TPO: variants seen among roughly 807,000 people sequenced by gnomAD.
TPO encodes thyroid peroxidase.
A neutral mutation model predicts 96.9 loss-of-function variants in TPO; 78 were observed. That is an observed-to-expected ratio of 0.81 (90% CI 0.67 to 0.97). TPO has a LOEUF of 0.97. Among genes scored for constraint, TPO ranks in the 50% least tolerant of loss-of-function variants. The pLI, the probability that TPO is intolerant of heterozygous loss-of-function variation, is 0.00. For missense variants in TPO, 1,252 were observed against 1,274.8 expected, an observed-to-expected ratio of 0.98 and a Z score of 0.27; for synonymous variants, 547 against 538.0, an observed-to-expected ratio of 1.02 and a Z score of -0.23.
intron 13 of TPO, among the ~76,000 whole-genome samples, chr2:1,503,043 G>A (rs1322118161): frequency 6.6e-6 from 1 of 152,194 alleles, no homozygotes; most frequent in Non-Finnish European, 1.5e-5. Flanking sequence ...GTCCTGGGGT[G>A]GCCGAGTCGG....
rs149663704 is a variant in TPO, at chr2:1,487,004, C to T, written c.1598-817C>T. On this transcript the variant is annotated intron_variant, in intron 9 of 16. Transcript: ENST00000329066. ...CCTTTTGGGCATCCTAAGGCCAAAC[C>T]GATCCTTTAAAGACTCTGGTGGCAT... Among the ~76,000 whole-genome samples, 926 of 152,318 alleles carry T rather than the reference C, an allele frequency of 6.1e-3. 7 individuals carry two copies. The highest frequency in any genetic ancestry group is 0.021 in the African/African-American group (884 of 41,562).
chr2:1,457,472 G>A (rs1667925576), intron 7 of TPO, among the ~76,000 whole-genome samples: 2 of 18,880 alleles, frequency 1.1e-4, no homozygotes, highest in Non-Finnish European at 1.4e-4. Flanking sequence ...TATATAGCAT[G>A]TATGATCGTG....
At chr2:1,410,031 G>C (rs1182674356), upstream of TPO, among the ~76,000 whole-genome samples, 1 of 152,034 alleles carries the variant, frequency 6.6e-6, no homozygotes, top group African/African-American at 2.4e-5. Flanking sequence ...TCAAAAGTGA[G>C]GGTTTCAGTT....
chr2:1,526,401 C>G (rs1408271538), intron 15 of TPO, among the ~76,000 whole-genome samples: 2 of 92,746 alleles, frequency 2.2e-5, no homozygotes, highest in African/African-American at 4.3e-5. Context: ...TGTGAGCAAC[C>G]CCCCCAAATC....
rs145286031 is a variant in TPO at position 1,413,476 on chromosome 2, C to T, written c.-71C>T. The T allele has an allele frequency of 8.3e-4, 138 of 166,568 alleles. No individual in the cohort carries two copies. Among genetic ancestry groups the T allele is most frequent in the African/African-American group, 3.1e-3 (128 of 41,780 alleles). The allele number at this position is 166,568 out of a possible 1,614,324, so 10.3% of individuals were successfully genotyped here. On this transcript the variant is annotated 5_prime_UTR_variant, in exon 1 of 17. Transcript: ENST00000329066. Reference sequence around the variant, plus strand: ...CCAAGTCCCTGGAAGGCAATTAAGGCGCCCATTTCAGAAGAGTTACAGCCG... The same window carrying T: ...CCAAGTCCCTGGAAGGCAATTAAGGTGCCCATTTCAGAAGAGTTACAGCCG...
rs374399668 is a variant in TPO at position 1,467,963 on chromosome 2, C to T, written c.820-9123C>T. 5.5e-5 allele frequency among the ~76,000 whole-genome samples: 4 copies of T among 72,906 alleles called. No individual in the cohort carries two copies. In the East Asian group the frequency reaches 1.8e-3, roughly 34 times the overall value. 47.8% of individuals were successfully genotyped at this position (72,906 alleles called of 152,430 possible). On this transcript the variant is annotated intron_variant, in intron 7 of 16. Transcript: ENST00000329066. ...AATGACCCTCTTTGTCTTTTTTAAC[C>T]ACTGTTGCTTTAAAGTTTATTTTGT...
At position 1,374,640 on chromosome 2, in the gene TPO, G is replaced by A. The variant is rs772892097; in HGVS notation, n.180+238G>A. ...AATTTGAAACCATTTCTGCAAAAAT[G>A]TTAATGAGGATTTATTTGAAAAGAA... On this transcript the variant is annotated intron_variant and non_coding_transcript_variant, in intron 1 of 5. Coordinates refer to the TPO transcript ENST00000497517. 5.3e-5 allele frequency among the ~76,000 whole-genome samples: 8 copies of A among 151,726 alleles called. No homozygotes were observed. In the South Asian group the frequency reaches 6.2e-4, roughly 12 times the overall value.
intron 2 of TPO, among the ~76,000 whole-genome samples, chr2:1,414,961 G>A (rs1662742695): frequency 6.6e-6 from 1 of 152,246 alleles, no homozygotes; most frequent in South Asian, 2.1e-4. Context: ...TCCAAACCCT[G>A]AGAACAAGTT....
At position 1,524,722 on chromosome 2, in the gene TPO, C is replaced by G. The variant is rs1420248683; in HGVS notation, c.2618+7740C>G. Among the ~76,000 whole-genome samples the G allele has an allele frequency of 3.9e-5, 5 of 129,844 alleles. 1 individual carries two copies. The highest frequency in any genetic ancestry group is 8.4e-5 in the Non-Finnish European group (5 of 59,840). 85.2% of individuals were successfully genotyped at this position (129,844 alleles called of 152,430 possible). A position where few individuals can be genotyped will look rare whatever the true frequency, so the allele number is the denominator to read the frequency against. Reference sequence around the variant, plus strand: ...GTGTGCAAACTCCCCACATTCCCCCCAGTGTGTGCAACCTTTACAACTCTA... The same window carrying G: ...GTGTGCAAACTCCCCACATTCCCCCGAGTGTGTGCAACCTTTACAACTCTA... On this transcript the variant is annotated intron_variant, in intron 15 of 16. Coordinates refer to ENST00000329066, the MANE Select transcript of TPO (RefSeq NM_001206744.2).
At chr2:1,430,424 A>C (rs894051009) in intron 3 of TPO, among the ~76,000 whole-genome samples, 4 of 152,248 alleles carry the variant, frequency 2.6e-5, no homozygotes, top group African/African-American at 7.2e-5. Context: ...AGCCTACTTC[A>C]GGGGCAAAGC....
intron 7 of TPO, among the ~76,000 whole-genome samples, 174 bp from the exon 8 acceptor site, chr2:1,476,912 C>T (rs997974507): frequency 1.3e-5 from 2 of 151,792 alleles, no homozygotes; most frequent in East Asian, 1.9e-4. Context: ...AAGAGACCAC[C>T]GGTAAGCAGG....
chr2:1,538,174 C>T (rs934459506), intron 15 of TPO, among the ~76,000 whole-genome samples: 4 of 150,452 alleles, frequency 2.7e-5, no homozygotes, highest in Admixed American at 6.6e-5. Context: ...CTCCTCAAAT[C>T]CCCCCTGCAG....
intron 4 of TPO, 96 bp downstream of exon 4, chr2:1,433,703 A>C: frequency 7.0e-7 from 1 of 1,437,618 alleles, no homozygotes; most frequent in South Asian, 1.2e-5. Context: ...CATGTTTTTT[A>C]CTTGAGACCA....
chr2:1,496,802 G>T (rs1206963937), intron 13 of TPO, 37 bp downstream of exon 13: 1 of 1,613,038 alleles, frequency 6.2e-7, no homozygotes, highest in Non-Finnish European at 8.5e-7. Context: ...CAAAACATCT[G>T]AATGTTTCCG....
intron 1 of TPO, among the ~76,000 whole-genome samples, chr2:1,394,832 G>A (rs563253331): frequency 6.6e-5 from 10 of 152,202 alleles, no homozygotes; most frequent in African/African-American, 9.6e-5. Context: ...TTTGCAAGCC[G>A]CATTGGATGG....
intron 7 of TPO, among the ~76,000 whole-genome samples, chr2:1,465,662 T>C (rs975313819): frequency 6.6e-6 from 1 of 152,188 alleles, no homozygotes; most frequent in African/African-American, 2.4e-5. Context: ...TCAGCTATTG[T>C]AGAAGGGGTT....
At chr2:1,535,260 T>C in intron 15 of TPO, among the ~76,000 whole-genome samples, 1 of 127,094 alleles carries the variant, frequency 7.9e-6, no homozygotes, top group Admixed American at 8.4e-5. Context: ...CTGTGCAACC[T>C]CCCAAAATCC....
intron 3 of TPO, among the ~76,000 whole-genome samples, chr2:1,429,089 A>C (rs938152578): frequency 1.3e-5 from 2 of 152,226 alleles, no homozygotes; most frequent in African/African-American, 2.4e-5. Context: ...TTGTATGTAC[A>C]TGAAGTTATT....
chr2:1,534,826 C>T (rs1408709322), intron 15 of TPO, among the ~76,000 whole-genome samples: 1 of 98,870 alleles, frequency 1.0e-5, no homozygotes, highest in Non-Finnish European at 2.1e-5. Flanking sequence ...CTGTGTGCAA[C>T]CTCAAGTCCC....
Sources: gnomAD v4.1 joint callset for allele counts (sites outside exome capture counted in the v4.1 genomes callset) on GRCh38, gnomAD v4.1.1 for gene constraint, MANE v1.5 for transcripts, NCBI Gene and HGNC (gene_info 2026-07-23, HGNC 2026-07-21) for gene names.